Variants in AGAP1 observed in about 807,000 individuals in gnomAD.
The protein encoded by AGAP1 is ArfGAP with GTPase domain, ankyrin repeat and PH domain 1, also known as arf-GAP with GTPase, ANK repeat and PH domain-containing protein 1.
A neutral mutation model predicts 105.3 loss-of-function variants in AGAP1; 29 were observed. The ratio of observed to expected loss-of-function variants is 0.28; its 90% CI spans 0.21 to 0.38. The LOEUF is 0.38. Ranked by LOEUF, AGAP1 falls within the 10% of genes least tolerant of loss-of-function variation. The probability of loss-of-function intolerance (pLI) is 1.00; values close to 1 mark genes in which losing one functional copy is unlikely to be tolerated. For synonymous variants in AGAP1, 509 were observed against 485.9 expected, an observed-to-expected ratio of 1.05 and a Z score of -0.63; for missense variants, 998 against 1,165.1, an observed-to-expected ratio of 0.86 and a Z score of 2.09.
intron 16 of AGAP1, among the ~76,000 whole-genome samples, chr2:236,074,637 T>C (rs1483040346): frequency 6.6e-6 from 1 of 152,130 alleles, no homozygotes; most frequent in Non-Finnish European, 1.5e-5. Context: ...GAAACATTTA[T>C]TGAATTAGAC....
intron 1 of AGAP1, among the ~76,000 whole-genome samples, chr2:235,682,354 T>C (rs1318207504): frequency 1.3e-5 from 2 of 151,726 alleles, no homozygotes; most frequent in African/African-American, 4.8e-5. Flanking sequence ...TTTGTTTTGT[T>C]TTGTTTGAGA....
Position 235,793,530 on chromosome 2 carries a change from G to A in AGAP1, c.674-4229G>A, listed in dbSNP as rs1361574094. 6.6e-6 allele frequency among the ~76,000 whole-genome samples: 1 copy of A among 152,104 alleles called. No individual in the cohort carries two copies. The highest frequency in any genetic ancestry group is 1.5e-5 in the Non-Finnish European group (1 of 68,034). ...TGTCATGAGCAGTCCCAGAGCCGTC[G>A]GATTGCTCTGGTGCACTTGCTGCCT... On this transcript the variant is annotated intron_variant, in intron 6 of 17. Coordinates refer to ENST00000304032, the MANE Select transcript of AGAP1 (RefSeq NM_001037131.3). This position sits in a 1 kb window ranked among gnomAD's most constrained non-coding sequence, Gnocchi z 5.3.
At chr2:235,670,465 C>T (rs1384285729) in intron 1 of AGAP1, 4 of 526,590 alleles carry the variant, frequency 7.6e-6, no homozygotes, top group Non-Finnish European at 1.0e-5. Context: ...ACCTGGCCGG[C>T]AGCGCCCCGG....
intron 9 of AGAP1, among the ~76,000 whole-genome samples, chr2:235,856,196 G>A (rs1283696492): frequency 6.6e-6 from 1 of 152,162 alleles, no homozygotes; most frequent in Non-Finnish European, 1.5e-5. Context: ...ACAGGCGTGA[G>A]CCACCGCACC....
intron 2 of AGAP1, among the ~76,000 whole-genome samples, chr2:235,709,491 C>T (rs1950720920): frequency 1.3e-5 from 2 of 151,908 alleles, no homozygotes; most frequent in South Asian, 4.1e-4. Context: ...GGGCAGAGGC[C>T]ATCATCATCC....
At chr2:235,999,503 A>ATGATG (rs2055995114) in intron 13 of AGAP1, among the ~76,000 whole-genome samples, 1 of 90,704 alleles carries the variant, frequency 1.1e-5, no homozygotes, top group Non-Finnish European at 2.3e-5. Context: ...TGGTGGTGGT[A>ATGATG]GTGGTGATGG....
intron 5 of AGAP1, among the ~76,000 whole-genome samples, chr2:235,749,876 G>A (rs1203879787): frequency 1.3e-5 from 2 of 152,156 alleles, no homozygotes; most frequent in East Asian, 1.9e-4. Context: ...AATTCACTGG[G>A]GTATCCCTGT....
chr2:236,118,387 C>CTTTTTTTTTTTTTTTT (rs529993131), intron 16 of AGAP1, among the ~76,000 whole-genome samples: 10 of 116,242 alleles, frequency 8.6e-5, no homozygotes, highest in Non-Finnish European at 1.3e-4. Flanking sequence ...TTTTCTTTTT[C>CTTTTTTTTTTTTTTTT]TTTTTTTTTT....
chr2:235,811,256 G>C (rs1479364501), intron 9 of AGAP1, among the ~76,000 whole-genome samples: 1 of 152,214 alleles, frequency 6.6e-6, no homozygotes, highest in Non-Finnish European at 1.5e-5. Flanking sequence ...CAGAGAACCT[G>C]TCCATCCCCT....
At chr2:235,850,613 T>C (rs977389812) in intron 9 of AGAP1, among the ~76,000 whole-genome samples, 2 of 152,366 alleles carry the variant, frequency 1.3e-5, no homozygotes, top group Non-Finnish European at 2.9e-5. Flanking sequence ...TGCTGGCAGG[T>C]AGGGCTTTAC....
intron 6 of AGAP1, among the ~76,000 whole-genome samples, chr2:235,766,781 G>T (rs62190869): frequency 3.3e-5 from 5 of 152,036 alleles, no homozygotes; most frequent in African/African-American, 1.2e-4. Flanking sequence ...TGGCTCTGTC[G>T]CCCAGGCTAG....
intron 1 of AGAP1, among the ~76,000 whole-genome samples, chr2:235,540,087 A>G (rs1205620297): frequency 1.4e-5 from 2 of 145,192 alleles, no homozygotes; most frequent in Non-Finnish European, 3.0e-5. Flanking sequence ...AGGTGGGGAC[A>G]CCTCCATCTC....
In AGAP1 at chr2:235,608,223, T is replaced by G. The variant is rs1385595462; in HGVS notation, c.164-100956T>G. 6.6e-6 allele frequency among the ~76,000 whole-genome samples: 1 copy of G among 152,232 alleles called. No individual in the cohort carries two copies. Among genetic ancestry groups the G allele is most frequent in the Non-Finnish European group, 1.5e-5 (1 of 68,038 alleles). ...TTGGCCCACGTCTAGCAGTTCTTCT[T>G]CATCTTGCAGGGAAAGTGTGTTGGC... On this transcript the variant is annotated intron_variant, in intron 1 of 17. Coordinates refer to ENST00000304032, the MANE Select transcript of AGAP1 (RefSeq NM_001037131.3). This position sits in a 1 kb window ranked among gnomAD's most constrained non-coding sequence, Gnocchi z 5.4.
intron 6 of AGAP1, among the ~76,000 whole-genome samples, chr2:235,759,081 A>G (rs1954179404): frequency 6.6e-6 from 1 of 151,594 alleles, no homozygotes; most frequent in African/African-American, 2.4e-5. Flanking sequence ...GGCATGAGCC[A>G]TGGCACCCGG....
chr2:235,797,685 C>A, intron 6 of AGAP1, 74 bp from the exon 7 acceptor site: 1 of 1,563,248 alleles, frequency 6.4e-7, no homozygotes, highest in South Asian at 1.1e-5. Context: ...CGACAACAGA[C>A]TGATGATCTC....
chr2:235,661,375 T>C (rs1242563901), intron 1 of AGAP1, among the ~76,000 whole-genome samples: 1 of 152,022 alleles, frequency 6.6e-6, no homozygotes, highest in African/African-American at 2.4e-5. Context: ...ACAGGGTCCA[T>C]TTGCCAACTC....
At chr2:235,974,698 GA>G (rs139247898) in intron 13 of AGAP1, among the ~76,000 whole-genome samples, 7,587 of 152,322 alleles carry the variant, frequency 0.05, 654 homozygotes, top group African/African-American at 0.17. Flanking sequence ...ACTGAGCAAT[GA>G]AATGTTGACA....
At chr2:236,018,154 C>G (rs1047464653) in intron 13 of AGAP1, among the ~76,000 whole-genome samples, 28 of 152,342 alleles carry the variant, frequency 1.8e-4, no homozygotes, top group Middle Eastern at 3.4e-3. Flanking sequence ...AATTAACTTT[C>G]TCAAGATGGG....
At chr2:235,527,678 G>A (rs1432997119) in intron 1 of AGAP1, among the ~76,000 whole-genome samples, 1 of 152,084 alleles carries the variant, frequency 6.6e-6, no homozygotes, top group Non-Finnish European at 1.5e-5. Flanking sequence ...GTGAGCTGCC[G>A]CTCCTGGCCT....
Sources: allele counts gnomAD v4.1 joint callset (sites outside exome capture counted in the v4.1 genomes callset), GRCh38; gene constraint gnomAD v4.1.1; non-coding constraint Gnocchi (gnomAD v3.1); transcripts MANE v1.5; gene names NCBI Gene and HGNC (gene_info 2026-07-23, HGNC 2026-07-21).